The following ERC1 variants were observed in gnomAD, a reference collection of about 807,000 sequenced individuals.
ERC1 encodes ELKS/RAB6-interacting/CAST family member 1.
Under a neutral mutation model 132.0 loss-of-function variants are expected in ERC1, and 56 were observed. The observed-to-expected ratio is 0.42, with a 90% CI of 0.34 to 0.53. The LOEUF (loss-of-function observed/expected upper bound fraction) is 0.53, where lower values mean the gene tolerates loss of function less well. Ranked by LOEUF, ERC1 falls within the 20% of genes least tolerant of loss-of-function variation. The pLI, the probability that ERC1 is intolerant of heterozygous loss-of-function variation, is 0.03. For missense variants in ERC1, 1,202 were observed against 1,349.9 expected (o/e 0.89, Z 1.72); for synonymous variants, 478 against 476.1 (o/e 1.00, Z -0.05).
At position 1,027,942 on chromosome 12, in the gene ERC1, G is replaced by C. The variant is rs759962535; in HGVS notation, c.39G>C (p.Pro13=). The C allele has an allele frequency of 2.5e-6, 4 of 1,612,192 alleles. No homozygotes were observed. In the Admixed American group the frequency reaches 6.7e-5, roughly 27 times the overall value. Residue 13 remains proline, a synonymous_variant, in exon 2 of 19, where the codon CCG becomes CCC. Transcript: ENST00000360905. ...CCCGCTCTGTTGGGAAGGTGGAGCC[G>C]AGCAGCCAGAGCCCTGGGCGTTCAC... ...GSARSVGKVE[P]SSQSPGRSPR...
chr12:1,188,106 A>G (rs980314840), intron 11 of ERC1, among the ~76,000 whole-genome samples: 4 of 152,202 alleles, frequency 2.6e-5, no homozygotes, highest in African/African-American at 7.2e-5. Context: ...TATCTCAGTG[A>G]CGTTAAATGC....
At chr12:1,168,479 CTTTTT>C (rs746267742) in intron 8 of ERC1, among the ~76,000 whole-genome samples, 2 of 91,978 alleles carry the variant, frequency 2.2e-5, no homozygotes, top group Non-Finnish European at 4.5e-5. Flanking sequence ...AGTGACTGGT[CTTTTT>C]TTTTTTTTTT....
At chr12:1,079,650 T>C (rs1450783181) in intron 2 of ERC1, among the ~76,000 whole-genome samples, 1 of 88,188 alleles carries the variant, frequency 1.1e-5, no homozygotes, top group Non-Finnish European at 2.5e-5. Context: ...AAATGATTTG[T>C]AATATGACAA....
intron 2 of ERC1, among the ~76,000 whole-genome samples, chr12:1,039,379 A>T (rs528743566): frequency 2.0e-4 from 30 of 151,056 alleles, no homozygotes; most frequent in Non-Finnish European, 3.4e-4. Context: ...AATAAATAAA[A>T]AATTAGCTGG....
intron 8 of ERC1, among the ~76,000 whole-genome samples, chr12:1,149,935 ATTAC>A (rs1275417025): frequency 1.3e-5 from 2 of 152,310 alleles, no homozygotes; most frequent in East Asian, 3.9e-4. Context: ...CTTGCTTAAT[ATTAC>A]TTGAACTAAT....
chr12:1,458,520 A>G (rs1293206324), intron 18 of ERC1, among the ~76,000 whole-genome samples: 3 of 151,440 alleles, frequency 2.0e-5, no homozygotes, highest in Non-Finnish European at 1.5e-5. Context: ...ACACATATAC[A>G]CATGTATGTA....
At chr12:1,128,306 A>G (rs1948414152) in intron 7 of ERC1, among the ~76,000 whole-genome samples, 1 of 152,248 alleles carries the variant, frequency 6.6e-6, no homozygotes, top group Admixed American at 6.5e-5. Context: ...CACACTCTCC[A>G]GAATGGATGA....
rs1358272779 is a variant in ERC1, at chr12:1,141,980, T to G, written c.1737+193T>G. 2.0e-5 allele frequency among the ~76,000 whole-genome samples: 3 copies of G among 152,372 alleles called. No individual in the cohort carries two copies. In the East Asian group the frequency reaches 5.8e-4, roughly 29 times the overall value. ...TCTATATATTCAGTTTTTAAAAATT[T>G]AAACACTGTTAGTATCTTCCAGTAG... is the stretch of plus-strand genomic sequence containing the variant. On this transcript the variant is annotated intron_variant, in intron 8 of 18. Coordinates refer to ENST00000360905, the MANE Select transcript of ERC1 (RefSeq NM_178040.4).
chr12:1,010,110 A>G (rs749474326), intron 1 of ERC1, among the ~76,000 whole-genome samples: 12 of 152,178 alleles, frequency 7.9e-5, no homozygotes, highest in Non-Finnish European at 1.3e-4. Context: ...TACTATTTAA[A>G]AAACTGCCTT....
chr12:1,322,813 T>G (rs1255586939), intron 15 of ERC1, among the ~76,000 whole-genome samples: 1 of 152,190 alleles, frequency 6.6e-6, no homozygotes, highest in Non-Finnish European at 1.5e-5. Context: ...GCGACCTTAA[T>G]TTGTCCATTT....
chr12:1,230,092 C>T (rs902979055), intron 12 of ERC1, among the ~76,000 whole-genome samples: 14 of 151,162 alleles, frequency 9.3e-5, no homozygotes, highest in African/African-American at 2.9e-4. Flanking sequence ...CTGCAACCAC[C>T]GCCTCCCGGG....
intron 18 of ERC1, among the ~76,000 whole-genome samples, chr12:1,464,562 C>T (rs1229951999): frequency 1.5e-5 from 2 of 135,222 alleles, no homozygotes; most frequent in Non-Finnish European, 3.1e-5. Context: ...CTCCGTTGCC[C>T]AGGCTGGAGT....
At chr12:1,340,911 T>C (rs2083774730) in intron 15 of ERC1, among the ~76,000 whole-genome samples, 1 of 152,050 alleles carries the variant, frequency 6.6e-6, no homozygotes, top group South Asian at 2.1e-4. Context: ...AGTACTCTCT[T>C]TTAAGGATGT....
chr12:1,336,803 A>ATT (rs1366353374), intron 15 of ERC1, among the ~76,000 whole-genome samples: 3 of 143,256 alleles, frequency 2.1e-5, no homozygotes, highest in African/African-American at 5.1e-5. Flanking sequence ...ATCTTTATTA[A>ATT]TTTTTTTTTT....
At chr12:1,025,448 G>C (rs774442373) in intron 1 of ERC1, among the ~76,000 whole-genome samples, 2 of 151,824 alleles carry the variant, frequency 1.3e-5, no homozygotes, top group Non-Finnish European at 2.9e-5. Flanking sequence ...AGCATTTTTT[G>C]GTATAATACT....
At chr12:1,316,557 A>C (rs927587536) in intron 15 of ERC1, among the ~76,000 whole-genome samples, 1 of 152,242 alleles carries the variant, frequency 6.6e-6, no homozygotes. Context: ...AAAGGGATGC[A>C]GGTAAGTCAT....
chr12:1,124,041 A>G (rs1947870342), intron 7 of ERC1, among the ~76,000 whole-genome samples: 1 of 152,176 alleles, frequency 6.6e-6, no homozygotes, highest in Non-Finnish European at 1.5e-5. Flanking sequence ...TAAATCAACA[A>G]TTGTAGTTGG....
chr12:1,466,717 T>G (rs1184595046), intron 18 of ERC1, among the ~76,000 whole-genome samples: 1 of 152,152 alleles, frequency 6.6e-6, no homozygotes, highest in Non-Finnish European at 1.5e-5. Context: ...GCTGGTTACT[T>G]CAATAAAGAA....
chr12:1,235,893 T>C (rs1435156185), intron 12 of ERC1, among the ~76,000 whole-genome samples: 3 of 152,210 alleles, frequency 2.0e-5, no homozygotes, highest in Non-Finnish European at 4.4e-5. Flanking sequence ...GGCAAGAAGA[T>C]GGAAACAATG....
Sources: allele counts gnomAD v4.1 joint callset (sites outside exome capture counted in the v4.1 genomes callset), GRCh38; gene constraint gnomAD v4.1.1; transcripts MANE v1.5; gene names NCBI Gene and HGNC (gene_info 2026-07-23, HGNC 2026-07-21).